The following OTUD5 variants were observed in gnomAD, a reference collection of about 807,000 sequenced individuals.
The protein encoded by OTUD5 is OTU deubiquitinase 5.
A neutral mutation model predicts 36.3 loss-of-function variants in OTUD5; 2 were observed. The ratio of observed to expected loss-of-function variants is 0.06; its 90% confidence interval spans 0.02 to 0.17. OTUD5 has a LOEUF of 0.17. OTUD5 is among the 10% of genes least tolerant of loss of function. OTUD5 has a pLI of 1.00. For synonymous variants in OTUD5, 234 were observed against 214.9 expected (o/e 1.09, Z -0.78); for missense variants, 233 against 512.3 (o/e 0.45, Z 5.26).
chrX:48,922,900 G>T lies in OTUD5; in HGVS notation c.*274C>A. The T allele has an allele frequency of 1.0e-6, 1 of 961,389 alleles. No homozygotes were observed. Among genetic ancestry groups the T allele is most frequent in the Non-Finnish European group, 1.3e-6 (1 of 765,541 alleles). 79.2% of individuals were successfully genotyped at this position (961,389 alleles called of 1,213,427 possible). On this transcript the variant is annotated 3_prime_UTR_variant, in exon 9 of 9. Transcript: ENST00000376488. ...CCTCTTGTCTATCTTCGGCACCCTT[G>T]CCCGAGTCCCCTGTGGAATGCAGGG...
rs782225617 is a variant in OTUD5 at position 48,923,839 on chromosome X, C to T, written c.1465+12G>A. The stretch of plus-strand genomic sequence containing the variant: ...TAACTCCCAGCACATTCCCTGTGGG[C>T]AAGTCACTGACCTGGCGCACAGGGC... On this transcript the variant is annotated intron_variant, in intron 7 of 8. Transcript: ENST00000376488. 2 of 1,210,467 alleles carry T rather than the reference C, an allele frequency of 1.7e-6. No individual in the cohort carries two copies. Among genetic ancestry groups the T allele is most frequent in the African/African-American group, 3.5e-5 (2 of 57,968 alleles).
In OTUD5 at chrX:48,923,906, G is replaced by A. The variant is rs145026833; in HGVS notation, c.1410C>T (p.Pro470=). 8.3e-7 allele frequency: 1 copy of A among 1,212,026 alleles called. No individual in the cohort carries two copies. The highest frequency in any genetic ancestry group is 1.1e-6 in the Non-Finnish European group (1 of 895,483). The change falls in exon 7 of 9, where the codon CCC becomes CCT. Residue 470 remains proline, a synonymous_variant. Coordinates refer to ENST00000376488, the MANE Select transcript of OTUD5 (RefSeq NM_001136157.2). ...GAGCTAAAACAGTGCCTGGGGAAGG[G>A]GGCTTCATGCCCAATTCAGCATGCA... is the stretch of plus-strand genomic sequence containing the variant. The part of the protein sequence containing the change: ...PELHAELGMK[P]PSPGTVLALA...
intron 2 of OTUD5, among the ~76,000 whole-genome samples, chrX:48,943,841 A>G (rs1569515627): frequency 9.0e-6 from 1 of 110,706 alleles, no homozygotes; most frequent in Non-Finnish European, 1.9e-5. Context: ...CAAGTCACCC[A>G]CCATCTCTGA....
At chrX:48,927,860 C>G (rs1017404691) in intron 5 of OTUD5, among the ~76,000 whole-genome samples, 2 of 111,988 alleles carry the variant, frequency 1.8e-5, no homozygotes, top group South Asian at 7.4e-4. Context: ...TCACCAGCCC[C>G]CATCCTGAAG....
Position 48,957,326 on chromosome X carries a change from G to A in OTUD5, c.245C>T (p.Ala82Val). 8.8e-7 allele frequency: 1 copy of A among 1,133,843 alleles called. No individual in the cohort carries two copies. The highest frequency in any genetic ancestry group is 1.2e-6 in the Non-Finnish European group (1 of 865,682). 93.4% of individuals were successfully genotyped at this position (1,133,843 alleles called of 1,213,427 possible). A position where few individuals can be genotyped will look rare whatever the true frequency, so the allele number is the denominator to read the frequency against. ...CACTGCACCAGGCGGCACGGCCAGC[G>A]CCCAGCGATGAAGAGCGCCCGGCGG... The part of the protein sequence containing the change: ...PGPPGALHRW[A>V]LAVPPGAVAG... Residue 82 changes from alanine to valine, a missense_variant, in exon 1 of 9, where the codon GCG becomes GTG. By Grantham distance (64) the Ala-to-Val change is moderately conservative. This residue lies in a region of OTUD5 where 155 missense variants were observed against 217.2 expected (regional missense o/e 0.71). Transcript: ENST00000376488.
chrX:48,928,164 T>G (rs1489744422), intron 5 of OTUD5, among the ~76,000 whole-genome samples: 1 of 112,483 alleles, frequency 8.9e-6, no homozygotes, highest in Non-Finnish European at 1.9e-5. Context: ...CAAATCATTA[T>G]GGTGGGCATG....
At chrX:48,931,453 G>A (rs782616697) in intron 5 of OTUD5, among the ~76,000 whole-genome samples, 1 of 112,356 alleles carries the variant, frequency 8.9e-6, no homozygotes, top group Admixed American at 9.4e-5. Flanking sequence ...AAAGATAAAG[G>A]GGCCTAAGGA....
chrX:48,955,194 G>A (rs1280771242), intron 1 of OTUD5, among the ~76,000 whole-genome samples: 1 of 111,778 alleles, frequency 8.9e-6, no homozygotes, highest in Non-Finnish European at 1.9e-5. Flanking sequence ...AGTCCCCGAG[G>A]CAGGAAGTCT....
upstream of OTUD5, chrX:48,957,857 T>C: frequency 1.4e-5 from 10 of 735,283 alleles, no homozygotes; most frequent in South Asian, 6.6e-5. Flanking sequence ...AGCAAGTTTA[T>C]TGCTACGCTT....
intron 1 of OTUD5, among the ~76,000 whole-genome samples, chrX:48,955,812 G>C (rs1557055075): frequency 9.0e-6 from 1 of 111,188 alleles, no homozygotes; most frequent in African/African-American, 3.3e-5. Context: ...GGGGTAAAAG[G>C]GTCACATATG....
intron 2 of OTUD5, among the ~76,000 whole-genome samples, chrX:48,938,324 G>C (rs1324995715): frequency 1.8e-5 from 2 of 111,867 alleles, no homozygotes; most frequent in Non-Finnish European, 3.8e-5. Flanking sequence ...AGGGAGAATA[G>C]AAGGATTTCT....
At chrX:48,944,049 G>C in intron 2 of OTUD5, 141 bp downstream of exon 2, 1 of 437,811 alleles carries the variant, frequency 2.3e-6, no homozygotes. Flanking sequence ...CTAGAGGTCA[G>C]ATACCAACTT....
At chrX:48,942,301 C>CACAT (rs781951712) in intron 2 of OTUD5, among the ~76,000 whole-genome samples, 1 of 64,371 alleles carries the variant, frequency 1.6e-5, no homozygotes, top group Non-Finnish European at 3.2e-5. Context: ...TAGCTAGATA[C>CACAT]ACACACACAC....
At chrX:48,930,062 C>A (rs1171343690) in intron 5 of OTUD5, among the ~76,000 whole-genome samples, 1 of 110,737 alleles carries the variant, frequency 9.0e-6, no homozygotes, top group Non-Finnish European at 1.9e-5. Flanking sequence ...CGAGATCACG[C>A]CACTGCACTC....
At chrX:48,938,067 G>T (rs1557050304) in intron 2 of OTUD5, among the ~76,000 whole-genome samples, 2 of 111,807 alleles carry the variant, frequency 1.8e-5, no homozygotes, top group African/African-American at 6.5e-5. Context: ...TCATAAAACA[G>T]GGTCCTAAAG....
chrX:48,957,737 C>T (rs868931159), upstream of OTUD5: 1 of 774,371 alleles, frequency 1.3e-6, no homozygotes, highest in Non-Finnish European at 1.5e-6. Flanking sequence ...GAGGCGGCGG[C>T]GGCGGCGGCG....
chrX:48,923,120 C>T lies in OTUD5; in HGVS notation c.*54G>A. The T allele has an allele frequency of 8.3e-7, 1 of 1,208,201 alleles. No homozygotes were observed. Among genetic ancestry groups the T allele is most frequent in the Non-Finnish European group, 1.1e-6 (1 of 893,507 alleles). Reference sequence around the variant, plus strand: ...AGAAGCCAAAGAAGGTGAGGTGGCACCGGAGAGCAGGAGTACTGGGGTTGG... The same window carrying T: ...AGAAGCCAAAGAAGGTGAGGTGGCATCGGAGAGCAGGAGTACTGGGGTTGG... On this transcript the variant is annotated 3_prime_UTR_variant, in exon 9 of 9. Transcript: ENST00000376488.
intron 2 of OTUD5, among the ~76,000 whole-genome samples, chrX:48,942,042 G>A (rs1463979017): frequency 9.1e-6 from 1 of 110,327 alleles, no homozygotes; most frequent in African/African-American, 3.3e-5. Flanking sequence ...AGCTCTTCCT[G>A]TAAGTAGAGG....
Position 48,922,477 on chromosome X carries a change from A to G in OTUD5, c.*697T>C, listed in dbSNP as rs2063596794. 7 of 740,974 alleles carry G rather than the reference A, an allele frequency of 9.4e-6. No homozygotes were observed. The highest frequency in any genetic ancestry group is 1.1e-5 in the Non-Finnish European group (7 of 628,565). The allele number at this position is 740,974 out of a possible 1,213,427, so 61.1% of individuals were successfully genotyped here. A position where few individuals can be genotyped will look rare whatever the true frequency, so the allele number is the denominator to read the frequency against. ...CTGCCGCCCTGCCCTTGCCCAGTGC[A>G]CACCCTAGACCCTGGGCCGGCCTCC... is the stretch of plus-strand genomic sequence containing the variant. On this transcript the variant is annotated 3_prime_UTR_variant, in exon 9 of 9. Coordinates refer to ENST00000376488, the MANE Select transcript of OTUD5 (RefSeq NM_001136157.2).
Sources: allele counts gnomAD v4.1 joint callset (sites outside exome capture counted in the v4.1 genomes callset), GRCh38; gene constraint gnomAD v4.1.1; regional missense constraint gnomAD v4.1.1; transcripts MANE v1.5; gene names NCBI Gene and HGNC (gene_info 2026-07-23, HGNC 2026-07-21).